Variants in SKAP1 observed in about 807,000 individuals in gnomAD.
The protein encoded by SKAP1 is src kinase-associated phosphoprotein 1.
SKAP1 carries 44 observed loss-of-function variants against 58.5 expected under a neutral mutation model. That is an observed-to-expected ratio of 0.75 (90% CI 0.59 to 0.97). The LOEUF (loss-of-function observed/expected upper bound fraction) is 0.97. Among genes scored for constraint, SKAP1 ranks in the 50% least tolerant of loss-of-function variants. SKAP1 has a pLI of 0.00. For missense variants in SKAP1, 390 were observed against 435.2 expected, an observed-to-expected ratio of 0.90 and a Z score of 0.92; for synonymous variants, 127 against 149.7, an observed-to-expected ratio of 0.85 and a Z score of 1.11.
chr17:48,199,796 G>A (rs901702428), intron 4 of SKAP1, among the ~76,000 whole-genome samples: 2 of 152,194 alleles, frequency 1.3e-5, no homozygotes, highest in African/African-American at 4.8e-5. Context: ...ATAGGGAGGA[G>A]GGTAAAAATA....
At chr17:48,351,378 G>A (rs1236594957) in intron 3 of SKAP1, among the ~76,000 whole-genome samples, 1 of 152,050 alleles carries the variant, frequency 6.6e-6, no homozygotes, top group Non-Finnish European at 1.5e-5. Context: ...CATGTATAGT[G>A]AAGGACTCAA....
At chr17:48,326,209 C>T (rs1238655006) in intron 4 of SKAP1, among the ~76,000 whole-genome samples, 1 of 152,170 alleles carries the variant, frequency 6.6e-6, no homozygotes, top group Non-Finnish European at 1.5e-5. Flanking sequence ...TACATACATC[C>T]TGCTCTTTGC....
chr17:48,300,846 G>A (rs1463031955), intron 4 of SKAP1, among the ~76,000 whole-genome samples: 3 of 152,040 alleles, frequency 2.0e-5, no homozygotes, highest in African/African-American at 7.2e-5. Context: ...TTTACTCTTA[G>A]TAAATGGCTT....
chr17:48,194,224 C>A (rs1227436588), intron 4 of SKAP1, among the ~76,000 whole-genome samples: 1 of 152,076 alleles, frequency 6.6e-6, no homozygotes, highest in African/African-American at 2.4e-5. Flanking sequence ...TGATGGCCAC[C>A]CAACTTTCAT....
intron 2 of SKAP1, among the ~76,000 whole-genome samples, chr17:48,379,830 C>T (rs762265116): frequency 6.6e-6 from 1 of 151,830 alleles, no homozygotes; most frequent in Non-Finnish European, 1.5e-5. Flanking sequence ...TACAGGTGCC[C>T]GCCACCATGC....
chr17:48,271,929 G>A (rs2065638374), intron 4 of SKAP1, among the ~76,000 whole-genome samples: 1 of 151,792 alleles, frequency 6.6e-6, no homozygotes, highest in Non-Finnish European at 1.5e-5. Flanking sequence ...TAAGTAAATT[G>A]ACATCCCTCT....
chr17:48,146,611 G>A (rs1271076503), intron 11 of SKAP1, among the ~76,000 whole-genome samples: 1 of 151,526 alleles, frequency 6.6e-6, no homozygotes, highest in Non-Finnish European at 1.5e-5. Context: ...CTGCTCTTGT[G>A]TACCTCTTTT....
intron 2 of SKAP1, among the ~76,000 whole-genome samples, chr17:48,379,134 T>C (rs2067183915): frequency 1.3e-5 from 2 of 152,170 alleles, no homozygotes; most frequent in Admixed American, 1.3e-4. Flanking sequence ...TTCATCCAAA[T>C]GAAGAATTTT....
the SKAP1 span, among the ~76,000 whole-genome samples, chr17:48,443,447 C>T: frequency 7.0e-6 from 1 of 143,586 alleles, no homozygotes; most frequent in Admixed American, 7.0e-5. Context: ...TGAGTGAGTG[C>T]TACAAGGTAA....
chr17:48,254,935 T>C (rs1298358132), intron 4 of SKAP1, among the ~76,000 whole-genome samples: 2 of 152,048 alleles, frequency 1.3e-5, no homozygotes, highest in Non-Finnish European at 2.9e-5. Flanking sequence ...GCTTGGGCTT[T>C]TGTTTTGTTT....
At chr17:48,353,469 T>C (rs2066830324) in intron 3 of SKAP1, among the ~76,000 whole-genome samples, 1 of 152,228 alleles carries the variant, frequency 6.6e-6, no homozygotes, top group African/African-American at 2.4e-5. Flanking sequence ...CAAGTTGTAG[T>C]AGGCCTTAGC....
At chr17:48,181,781 C>T (rs978304617) in intron 8 of SKAP1, among the ~76,000 whole-genome samples, 7 of 152,132 alleles carry the variant, frequency 4.6e-5, no homozygotes, top group East Asian at 3.9e-4. Flanking sequence ...TGACAGACCA[C>T]TCCCAGATAA....
chr17:48,176,424 T>C (rs1038123579), intron 9 of SKAP1, among the ~76,000 whole-genome samples: 4 of 152,212 alleles, frequency 2.6e-5, no homozygotes, highest in African/African-American at 9.7e-5. Flanking sequence ...GAGCTGGGCC[T>C]ATGCTGGCCT....
chr17:48,345,908 C>A lies in SKAP1; in HGVS notation c.277G>T (p.Glu93Ter). The change falls in exon 4 of 13, where the codon GAG becomes TAG. Residue 93 changes from glutamate (E) to a stop codon, truncating the protein, a stop_gained. Coordinates refer to ENST00000336915, the MANE Select transcript of SKAP1 (RefSeq NM_003726.4). LOFTEE classifies it high-confidence loss of function. ...DAPFLSDYQDEGMEDIVKGAQ... is the reference protein window; with the variant it reads ...DAPFLSDYQD ...AATCCAGAAGGATAACACTCACCCT[C>A]ATCCTGATAATCTGACAAAAAGGGT... 6.2e-7 allele frequency: 1 copy of A among 1,606,504 alleles called. No homozygotes were observed. The highest frequency in any genetic ancestry group is 1.1e-5 in the South Asian group (1 of 90,810).
At chr17:48,292,622 T>A (rs537672496) in intron 4 of SKAP1, among the ~76,000 whole-genome samples, 1 of 152,342 alleles carries the variant, frequency 6.6e-6, no homozygotes, top group African/African-American at 2.4e-5. Context: ...AGAACACCTC[T>A]CATATTTGGA....
rs372425842 is a variant in SKAP1, at chr17:48,218,995, AAG to A, written c.281-29497_281-29496del. Among the ~76,000 whole-genome samples, 140 of 152,322 alleles carry A rather than the reference AAG, an allele frequency of 9.2e-4. 2 individuals carry two copies. In the East Asian group the frequency reaches 0.017, roughly 18 times the overall value. On this transcript the variant is annotated intron_variant, in intron 4 of 12. Coordinates refer to ENST00000336915, the MANE Select transcript of SKAP1 (RefSeq NM_003726.4). Reference sequence around the variant, plus strand: ...GAATAAAGAGAAAGGCAGATTAAGAAAGAGAAATAGAAAAAATATAACAACCT... The same window carrying A: ...GAATAAAGAGAAAGGCAGATTAAGAAAGAAATAGAAAAAATATAACAACCT...
intron 4 of SKAP1, among the ~76,000 whole-genome samples, chr17:48,236,876 T>C (rs573018628): frequency 6.6e-6 from 1 of 152,346 alleles, no homozygotes; most frequent in South Asian, 2.1e-4. Context: ...TCTACTCTAT[T>C]GTCAAGTAGT....
chr17:48,247,551 A>G (rs914328162), intron 4 of SKAP1, among the ~76,000 whole-genome samples: 3 of 152,178 alleles, frequency 2.0e-5, no homozygotes, highest in Non-Finnish European at 4.4e-5. Context: ...CCTACCTCAC[A>G]AAAGTTTTAG....
chr17:48,212,593 T>C (rs2064887034), intron 4 of SKAP1, among the ~76,000 whole-genome samples: 1 of 152,226 alleles, frequency 6.6e-6, no homozygotes, highest in Non-Finnish European at 1.5e-5. Context: ...TTTCCCTAAC[T>C]CTAGGGCTCC....
Sources: gnomAD v4.1 joint callset for allele counts (sites outside exome capture counted in the v4.1 genomes callset) on GRCh38, gnomAD v4.1.1 for gene constraint, MANE v1.5 for transcripts, NCBI Gene and HGNC (gene_info 2026-07-23, HGNC 2026-07-21) for gene names.